PPM1A: variants seen among roughly 807,000 people sequenced by gnomAD.
The protein encoded by PPM1A is protein phosphatase 1A.
Under a neutral mutation model 35.0 loss-of-function variants are expected in PPM1A, and 7 were observed. That is an observed-to-expected ratio of 0.20 (90% confidence interval 0.11 to 0.38). PPM1A has a LOEUF of 0.38. Among genes scored for constraint, PPM1A ranks in the 10% least tolerant of loss-of-function variants. The pLI, the probability that PPM1A is intolerant of heterozygous loss-of-function variation, is 1.00. For synonymous variants in PPM1A, 153 were observed against 167.3 expected (o/e 0.91, Z 0.66); for missense variants, 239 against 467.8 (o/e 0.51, Z 4.51).
upstream of PPM1A, among the ~76,000 whole-genome samples, chr14:60,248,097 T>C (rs1881907869): frequency 6.6e-6 from 1 of 152,220 alleles, no homozygotes; most frequent in Non-Finnish European, 1.5e-5. Flanking sequence ...GAACCCGTGC[T>C]GGTGATGTAC....
At position 60,292,624 on chromosome 14, in the gene PPM1A, C is replaced by T; in HGVS notation, c.*142C>T. On this transcript the variant is annotated 3_prime_UTR_variant, in exon 6 of 6. Coordinates refer to ENST00000395076, the MANE Select transcript of PPM1A (RefSeq NM_021003.5). This position sits in a 1 kb window ranked among gnomAD's most constrained non-coding sequence, Gnocchi z 4.2. ...GAATGATTACATCAGAGAACTTCAG[C>T]AGTACAACAGCTAGCCCAGAACTGA... 2 of 544,600 alleles carry T rather than the reference C, an allele frequency of 3.7e-6. No individual in the cohort carries two copies. The highest frequency in any genetic ancestry group is 6.1e-6 in the Non-Finnish European group (2 of 327,440). The allele number at this position is 544,600 out of a possible 1,614,324, so 33.7% of individuals were successfully genotyped here. A position where few individuals can be genotyped will look rare whatever the true frequency, so the allele number is the denominator to read the frequency against.
intron 3 of PPM1A, chr14:60,287,980 T>A: frequency 1.0e-6 from 1 of 982,904 alleles, no homozygotes; most frequent in Non-Finnish European, 1.2e-6. Context: ...ATAAATATTC[T>A]TTAGAAAAAG....
rs1341100317 is a variant in PPM1A at position 60,273,857 on chromosome 14, G to A, written c.-20-8827G>A. On this transcript the variant is annotated intron_variant, in intron 1 of 5. Coordinates refer to ENST00000395076, the MANE Select transcript of PPM1A (RefSeq NM_021003.5). The surrounding 1 kb of genome is among the most constrained non-coding windows in gnomAD (Gnocchi z 4.3). ...AGTTTCTGTTTCTTTTTCTGAGTTG[G>A]GGTCTTGCTATATTGCCTAGGCTGG... Among the ~76,000 whole-genome samples the A allele has an allele frequency of 6.6e-6, 1 of 152,056 alleles. No homozygotes were observed. Among genetic ancestry groups the A allele is most frequent in the African/African-American group, 2.4e-5 (1 of 41,404 alleles).
chr14:60,272,819 C>T (rs1046972241), intron 1 of PPM1A, among the ~76,000 whole-genome samples: 10 of 150,990 alleles, frequency 6.6e-5, no homozygotes, highest in Non-Finnish European at 1.3e-4. Flanking sequence ...ACTCTTAGAA[C>T]TTGGTTTATT....
upstream of PPM1A, among the ~76,000 whole-genome samples, chr14:60,246,658 C>T (rs78344581): frequency 6.6e-6 from 1 of 152,060 alleles, no homozygotes; most frequent in Non-Finnish European, 1.5e-5. Context: ...TCTGTCCCCC[C>T]TTCTTAGCAT....
At chr14:60,253,097 T>A (rs749315745) in intron 1 of PPM1A, among the ~76,000 whole-genome samples, 6 of 152,188 alleles carry the variant, frequency 3.9e-5, no homozygotes, top group Non-Finnish European at 8.8e-5. Context: ...ATATTAGAGA[T>A]GTTTTAAGCT....
intron 1 of PPM1A, among the ~76,000 whole-genome samples, chr14:60,279,324 C>T (rs1420595545): frequency 6.6e-6 from 1 of 152,110 alleles, no homozygotes; most frequent in African/African-American, 2.4e-5. Context: ...ACCATGTTGG[C>T]CAGTCTGGTC....
At chr14:60,258,050 C>T (rs369651911) in intron 1 of PPM1A, among the ~76,000 whole-genome samples, 3 of 151,918 alleles carry the variant, frequency 2.0e-5, no homozygotes, top group East Asian at 3.9e-4. Context: ...CACAGCTTAC[C>T]CTTTGTTAGT....
chr14:60,291,264 C>T (rs1887602963), intron 4 of PPM1A, 133 bp from the exon 5 acceptor site: 3 of 558,554 alleles, frequency 5.4e-6, no homozygotes, highest in Non-Finnish European at 8.8e-6. Context: ...TCACTATTGA[C>T]AGCAAGAAAT....
At chr14:60,258,249 A>G (rs1321913138) in intron 1 of PPM1A, among the ~76,000 whole-genome samples, 4 of 152,082 alleles carry the variant, frequency 2.6e-5, no homozygotes, top group Non-Finnish European at 4.4e-5. Context: ...AGTTAGAGAT[A>G]TTTTTGGCTA....
At chr14:60,268,370 T>C in intron 1 of PPM1A, 1 of 973,266 alleles carries the variant, frequency 1.0e-6, no homozygotes, top group Non-Finnish European at 1.2e-6. Context: ...CTCCATATTT[T>C]CAAATTTATT....
At chr14:60,288,158 T>G in intron 3 of PPM1A, 2 of 985,170 alleles carry the variant, frequency 2.0e-6, no homozygotes, top group Non-Finnish European at 2.4e-6. Context: ...GAACAGGAGA[T>G]ATTAACTGTT....
Position 60,289,820 on chromosome 14 carries a change from C to T in PPM1A, c.967C>T (p.Gln323Ter). 6.2e-7 allele frequency: 1 copy of T among 1,608,566 alleles called. No individual in the cohort carries two copies. Among genetic ancestry groups the T allele is most frequent in the Non-Finnish European group, 8.5e-7 (1 of 1,177,698 alleles). Reference sequence around the variant, plus strand: ...CTGATTCCCAGAAATCATAAAGAAGCAGGGGGAAGGCGTCCCCGACTTAGT... The same window carrying T: ...CTGATTCCCAGAAATCATAAAGAAGTAGGGGGAAGGCGTCCCCGACTTAGT... ...ECRVEEIIKK[Q>*]GEGVPDLVHV... is the part of the protein sequence containing the mutation. Residue 323 changes from glutamine to a stop codon, truncating the protein, a stop_gained, in exon 4 of 6, where the codon CAG (glutamine) becomes TAG (stop). Coordinates refer to ENST00000395076, the MANE Select transcript of PPM1A (RefSeq NM_021003.5). LOFTEE classifies it high-confidence loss of function. This position sits in a 1 kb window ranked among gnomAD's most constrained non-coding sequence, Gnocchi z 4.1.
chr14:60,282,547 A>C lies in PPM1A; in HGVS notation c.-20-137A>C. On this transcript the variant is annotated intron_variant, in intron 1 of 5. Coordinates refer to ENST00000395076, the MANE Select transcript of PPM1A (RefSeq NM_021003.5). The surrounding 1 kb of genome is among the most constrained non-coding windows in gnomAD (Gnocchi z 5.1). ...CCTCCTTGTTAATCTCCAGATTCCAAGTCAGCAACACAATGAATGTCTGCT... is the reference window on the plus strand; with the variant it reads ...CCTCCTTGTTAATCTCCAGATTCCACGTCAGCAACACAATGAATGTCTGCT... The C allele has an allele frequency of 9.0e-7, 1 of 1,116,480 alleles. No individual in the cohort carries two copies. Among genetic ancestry groups the C allele is most frequent in the Non-Finnish European group, 1.2e-6 (1 of 800,244 alleles). The allele number at this position is 1,116,480 out of a possible 1,614,324, so 69.2% of individuals were successfully genotyped here.
chr14:60,249,299 G>A lies in PPM1A; in HGVS notation c.-399G>A. 1.0e-6 allele frequency: 1 copy of A among 979,532 alleles called. No individual in the cohort carries two copies. The highest frequency in any genetic ancestry group is 1.2e-6 in the Non-Finnish European group (1 of 828,054). 60.7% of individuals were successfully genotyped at this position (979,532 alleles called of 1,614,324 possible). A position where few individuals can be genotyped will look rare whatever the true frequency, so the allele number is the denominator to read the frequency against. On this transcript the variant is annotated 5_prime_UTR_variant, in exon 1 of 6. Coordinates refer to ENST00000395076, the MANE Select transcript of PPM1A (RefSeq NM_021003.5). This position sits in a 1 kb window ranked among gnomAD's most constrained non-coding sequence, Gnocchi z 4.5. ...CTAGAGAGCAGTGGTCTCGGCGCTC[G>A]TCCGGCCCGCAGCTTCGGGTCCTCA...
upstream of PPM1A, among the ~76,000 whole-genome samples, chr14:60,246,327 T>C (rs1015558165): frequency 9.9e-5 from 15 of 152,144 alleles, no homozygotes; most frequent in Non-Finnish European, 1.5e-5. Context: ...GATTAAGCTT[T>C]AGACTCCACA....
chr14:60,294,148 A>G lies in PPM1A; in HGVS notation c.*1666A>G, dbSNP rs921213645. On this transcript the variant is annotated 3_prime_UTR_variant, in exon 6 of 6. Transcript: ENST00000395076. The stretch of plus-strand genomic sequence containing the variant: ...CTTGGAAATATACATATTTGTATAT[A>G]TAGCCTTAAAATTAATGTAAAGTTA... The G allele has an allele frequency of 2.6e-5, 4 of 151,944 alleles. No individual in the cohort carries two copies. The highest frequency in any genetic ancestry group is 9.7e-5 in the African/African-American group (4 of 41,430). The allele number at this position is 151,944 out of a possible 1,614,324, so 9.4% of individuals were successfully genotyped here. A position where few individuals can be genotyped will look rare whatever the true frequency, so the allele number is the denominator to read the frequency against.
chr14:60,265,740 G>C (rs1884299944), intron 1 of PPM1A, among the ~76,000 whole-genome samples: 1 of 152,122 alleles, frequency 6.6e-6, no homozygotes, highest in Non-Finnish European at 1.5e-5. Context: ...CTTCTTGCCA[G>C]ATGGAAGGCA....
rs1888182574 is a variant in PPM1A at position 60,297,949 on chromosome 14, G to T, written c.*5467G>T. 1 of 151,574 alleles carries T rather than the reference G, an allele frequency of 6.6e-6. No homozygotes were observed. The allele number at this position is 151,574 out of a possible 1,614,324, so 9.4% of individuals were successfully genotyped here. ...AGGGCATCATCCCTTTTCCTGCAAA[G>T]CCCAAAAGTATATTTCTAGGGCATG... On this transcript the variant is annotated 3_prime_UTR_variant, in exon 6 of 6. Coordinates refer to ENST00000395076, the MANE Select transcript of PPM1A (RefSeq NM_021003.5).
Sources: allele counts gnomAD v4.1 joint callset (sites outside exome capture counted in the v4.1 genomes callset), GRCh38; gene constraint gnomAD v4.1.1; non-coding constraint Gnocchi (gnomAD v3.1); transcripts MANE v1.5; gene names NCBI Gene and HGNC (gene_info 2026-07-23, HGNC 2026-07-21).